The following RSRP1 variants were observed in gnomAD, a reference collection of about 807,000 sequenced individuals.
The protein encoded by RSRP1 is arginine and serine rich protein 1.
Under a neutral mutation model 33.0 loss-of-function variants are expected in RSRP1, and 37 were observed. The ratio of observed to expected loss-of-function variants is 1.12; its 90% CI spans 0.86 to 1.48. The LOEUF is 1.48. Ranked by LOEUF, RSRP1 falls within the 40% of genes most tolerant of loss-of-function variation. The pLI is 0.00. For missense variants in RSRP1, 402 were observed against 385.3 expected, an observed-to-expected ratio of 1.04 and a Z score of -0.36; for synonymous variants, 167 against 158.7, an observed-to-expected ratio of 1.05 and a Z score of -0.40.
chr1:25,297,803 A>C lies in RSRP1; in HGVS notation c.-67+40175T>G. 1.5e-5 allele frequency among the ~76,000 whole-genome samples: 2 copies of C among 132,036 alleles called. 1 individual carries two copies. The highest frequency in any genetic ancestry group is 3.6e-5 in the Non-Finnish European group (2 of 55,954). 86.6% of individuals were successfully genotyped at this position (132,036 alleles called of 152,430 possible). A position where few individuals can be genotyped will look rare whatever the true frequency, so the allele number is the denominator to read the frequency against. The stretch of plus-strand genomic sequence containing the variant: ...GGAATGAAGAGAATTCAGTGTAAGA[A>C]CCATAAAGGTGTATCTGTGTAGTAT... On this transcript the variant is annotated intron_variant, in intron 1 of 1. Transcript: ENST00000561867.
At chr1:25,246,206 T>A (rs1431091145) in intron 2 of RSRP1, among the ~76,000 whole-genome samples, 1 of 152,128 alleles carries the variant, frequency 6.6e-6, no homozygotes, top group Non-Finnish European at 1.5e-5. Flanking sequence ...CTAAGAACAG[T>A]CAGCCAATAG....
intron 1 of RSRP1, among the ~76,000 whole-genome samples, chr1:25,286,734 C>T (rs1198294059): frequency 7.6e-5 from 10 of 132,358 alleles, no homozygotes; most frequent in South Asian, 2.2e-4. Context: ...TGCAGTGAAC[C>T]GAGATGGTGC....
intron 1 of RSRP1, among the ~76,000 whole-genome samples, chr1:25,277,819 C>T (rs1382125039): frequency 8.1e-6 from 1 of 123,840 alleles, no homozygotes; most frequent in Non-Finnish European, 1.9e-5. Flanking sequence ...GGATTACAGG[C>T]ATGCGCCACC....
chr1:25,289,174 A>G (rs1450195378), intron 1 of RSRP1, among the ~76,000 whole-genome samples: 1 of 132,376 alleles, frequency 7.6e-6, no homozygotes, highest in African/African-American at 2.6e-5. Flanking sequence ...ATGGTGAGCT[A>G]GCACGATTTT....
At chr1:25,261,150 T>A (rs968712230) in intron 1 of RSRP1, among the ~76,000 whole-genome samples, 52 of 152,140 alleles carry the variant, frequency 3.4e-4, no homozygotes, top group African/African-American at 1.2e-3. Context: ...GGCTCCACCC[T>A]CATGACCTCA....
At chr1:25,282,311 T>C (rs1641556360) in intron 1 of RSRP1, among the ~76,000 whole-genome samples, 1 of 131,792 alleles carries the variant, frequency 7.6e-6, no homozygotes, top group South Asian at 2.4e-4. Context: ...CTCAGCTCAC[T>C]GCAACCTCTG....
Position 25,301,020 on chromosome 1 carries a change from G to A in RSRP1, c.-67+36958C>T. The A allele has an allele frequency of 1.5e-6, 2 of 1,377,030 alleles. 1 individual carries two copies. Among genetic ancestry groups the A allele is most frequent in the East Asian group, 4.5e-5 (2 of 44,642 alleles). The allele number at this position is 1,377,030 out of a possible 1,614,324, so 85.3% of individuals were successfully genotyped here. On this transcript the variant is annotated intron_variant, in intron 1 of 1. Transcript: ENST00000561867. ...TTGGGCTGTCTGTGGCCTGGTGCCTGCCAAAGCCTCTACCCGAGGGAACGG... is the reference window on the plus strand; with the variant it reads ...TTGGGCTGTCTGTGGCCTGGTGCCTACCAAAGCCTCTACCCGAGGGAACGG...
intron 1 of RSRP1, among the ~76,000 whole-genome samples, chr1:25,290,300 T>G (rs555359214): frequency 8.0e-6 from 1 of 124,272 alleles, no homozygotes; most frequent in South Asian, 2.5e-4. Context: ...GAATCCCAGT[T>G]ATCAGATCCC....
At chr1:25,287,973 T>C (rs1179549570) in intron 1 of RSRP1, among the ~76,000 whole-genome samples, 1 of 132,832 alleles carries the variant, frequency 7.5e-6, no homozygotes, top group Non-Finnish European at 1.8e-5. Flanking sequence ...TCCACCTGCC[T>C]AGGCCTCCCA....
chr1:25,254,191 T>C (rs1639878127), intron 1 of RSRP1, among the ~76,000 whole-genome samples: 1 of 152,226 alleles, frequency 6.6e-6, no homozygotes, highest in Admixed American at 6.5e-5. Context: ...TTGCAATTAC[T>C]GAGCCTTGGT....
chr1:25,251,854 A>G (rs990711935), upstream of RSRP1, among the ~76,000 whole-genome samples: 4 of 151,640 alleles, frequency 2.6e-5, no homozygotes, highest in African/African-American at 9.7e-5. Flanking sequence ...GCCCTTCCAC[A>G]GTTTTCTTCA....
At chr1:25,262,608 G>A (rs902327012) in intron 1 of RSRP1, among the ~76,000 whole-genome samples, 2 of 152,164 alleles carry the variant, frequency 1.3e-5, no homozygotes, top group African/African-American at 2.4e-5. Flanking sequence ...GATACTGGTA[G>A]CATGGCTCAG....
At chr1:25,269,176 T>G (rs1640418999) in intron 1 of RSRP1, among the ~76,000 whole-genome samples, 1 of 132,634 alleles carries the variant, frequency 7.5e-6, no homozygotes, top group Admixed American at 7.3e-5. Context: ...ACCTTAAACA[T>G]GCTTAGAACA....
chr1:25,269,389 C>T (rs1314837074), intron 1 of RSRP1, among the ~76,000 whole-genome samples: 2 of 132,716 alleles, frequency 1.5e-5, no homozygotes, highest in South Asian at 2.3e-4. Context: ...GTCAAACCAT[C>T]GTACGTCGGA....
intron 1 of RSRP1, chr1:25,330,139 C>T (rs569207388): frequency 7.5e-6 from 1 of 132,546 alleles, no homozygotes; most frequent in East Asian, 1.9e-4. Flanking sequence ...GCTCTCTGTG[C>T]ACTGATTGCA....
In RSRP1 at chr1:25,242,678, A is replaced by AT; in HGVS notation, c.783dup (p.Ser262IlefsTer3). On this transcript the variant is annotated frameshift_variant, in exon 5 of 5. Coordinates refer to ENST00000243189, the MANE Select transcript of RSRP1 (RefSeq NM_020317.5). LOFTEE classifies it high-confidence loss of function. ...GCCTCTTCTGTGGCAGCTTTAGCTGATTTTTGTATTGGCTTTGCTACAGAA... is the reference window on the plus strand; with the variant it reads ...GCCTCTTCTGTGGCAGCTTTAGCTGATTTTTTGTATTGGCTTTGCTACAGAA... The AT allele has an allele frequency of 6.2e-7, 1 of 1,609,344 alleles. No individual in the cohort carries two copies. The highest frequency in any genetic ancestry group is 1.3e-5 in the African/African-American group (1 of 74,910).
chr1:25,286,152 G>A lies in RSRP1; in HGVS notation c.-66-39123C>T, dbSNP rs182479103. On this transcript the variant is annotated intron_variant, in intron 1 of 1. Coordinates refer to the RSRP1 transcript ENST00000561867. ...ATGAAACACAGTCTAGCCAGCTCCC[G>A]ATTGGCCCTGGAGGGAAAAAACTTT... 2.9e-4 allele frequency among the ~76,000 whole-genome samples: 39 copies of A among 135,238 alleles called. No individual in the cohort carries two copies. The East Asian group carries it at 6.6e-3, about 23-fold the overall frequency. The allele number at this position is 135,238 out of a possible 152,430, so 88.7% of individuals were successfully genotyped here.
chr1:25,272,801 A>G lies in RSRP1; in HGVS notation c.-66-25772T>C, dbSNP rs370772913. The G allele has an allele frequency of 1.6e-5, 20 of 1,269,638 alleles. 3 individuals carry two copies. The highest frequency in any genetic ancestry group is 2.0e-4 in the Middle Eastern group (1 of 5,090). 78.6% of individuals were successfully genotyped at this position (1,269,638 alleles called of 1,614,324 possible). On this transcript the variant is annotated intron_variant, in intron 1 of 1. Transcript: ENST00000561867. ...CAGATGTTCCTTTCTACAAAATCCC[A>G]AGGAAAAAGATTCCCCCATCTTCTT...
rs1262137085 is a variant in RSRP1 at position 25,311,474 on chromosome 1, A to C, written c.-67+26504T>G. Among the ~76,000 whole-genome samples the C allele has an allele frequency of 8.4e-5, 11 of 130,212 alleles. 1 individual carries two copies. The highest frequency in any genetic ancestry group is 2.9e-4 in the African/African-American group (11 of 38,250). 85.4% of individuals were successfully genotyped at this position (130,212 alleles called of 152,430 possible). ...CGGGAGGCAGAGCTTGCAGTGAGCC[A>C]AGATCGCGCCACTGCACTCCAGCCT... On this transcript the variant is annotated intron_variant, in intron 1 of 1. Coordinates refer to the RSRP1 transcript ENST00000561867.
Sources: gnomAD v4.1 joint callset for allele counts (sites outside exome capture counted in the v4.1 genomes callset) on GRCh38, gnomAD v4.1.1 for gene constraint, MANE v1.5 for transcripts, NCBI Gene and HGNC (gene_info 2026-07-23, HGNC 2026-07-21) for gene names.